Variants in GALNTL6 observed in about 807,000 individuals in gnomAD.
GALNTL6 encodes the protein polypeptide N-acetylgalactosaminyltransferase like 6.
GALNTL6 carries 46 observed loss-of-function variants against 73.7 expected under a neutral mutation model. The ratio of observed to expected loss-of-function variants is 0.62; its 90% confidence interval spans 0.49 to 0.80. GALNTL6 has a LOEUF of 0.80. Ranked by LOEUF, GALNTL6 falls within the 30% of genes least tolerant of loss-of-function variation. GALNTL6 has a pLI of 0.00. For synonymous variants in GALNTL6, 259 were observed against 263.7 expected (o/e 0.98, Z 0.17); for missense variants, 604 against 755.0 (o/e 0.80, Z 2.34).
chr4:171,973,507 G>A (rs1739630463), intron 2 of GALNTL6, among the ~76,000 whole-genome samples: 2 of 152,090 alleles, frequency 1.3e-5, no homozygotes, highest in South Asian at 4.1e-4. Flanking sequence ...CATGGATACT[G>A]TCTCTGTGTC....
chr4:172,167,044 A>G (rs780873153), intron 2 of GALNTL6, among the ~76,000 whole-genome samples: 2 of 152,088 alleles, frequency 1.3e-5, no homozygotes, highest in Non-Finnish European at 2.9e-5. Context: ...ATCTCGTTGT[A>G]CCTCATTTTT....
intron 7 of GALNTL6, among the ~76,000 whole-genome samples, chr4:172,867,484 A>T (rs990867747): frequency 4.6e-5 from 7 of 152,180 alleles, no homozygotes; most frequent in South Asian, 2.1e-4. Flanking sequence ...TGGCAGGAAG[A>T]AAAATGAGAG....
intron 5 of GALNTL6, among the ~76,000 whole-genome samples, chr4:172,494,251 T>G (rs6812783): frequency 0.19 from 29,173 of 152,086 alleles, 3,019 homozygotes; most frequent in African/African-American, 0.25. Context: ...GATTCCTTCA[T>G]GAAGATATTG....
chr4:172,112,312 G>C (rs889596240), intron 2 of GALNTL6, among the ~76,000 whole-genome samples: 2 of 151,946 alleles, frequency 1.3e-5, no homozygotes, highest in Non-Finnish European at 2.9e-5. Context: ...AGACACATTG[G>C]TTGCTTTCAA....
At chr4:172,304,756 G>A (rs1740067364) in intron 3 of GALNTL6, among the ~76,000 whole-genome samples, 1 of 151,844 alleles carries the variant, frequency 6.6e-6, no homozygotes, top group African/African-American at 2.4e-5. Context: ...GACTTATTAT[G>A]TTCCAAACAG....
chr4:172,221,721 C>T (rs1736682246), intron 2 of GALNTL6, among the ~76,000 whole-genome samples: 1 of 151,784 alleles, frequency 6.6e-6, no homozygotes, highest in South Asian at 2.1e-4. Flanking sequence ...GACTTTCCTG[C>T]TGAGCTAACA....
intron 5 of GALNTL6, among the ~76,000 whole-genome samples, chr4:172,623,374 T>TA (rs1045110406): frequency 2.6e-5 from 4 of 151,350 alleles, no homozygotes; most frequent in African/African-American, 9.7e-5. Flanking sequence ...TAATTTTAAA[T>TA]AAAAAATTAG....
chr4:172,269,466 C>A (rs1168760022), intron 3 of GALNTL6, among the ~76,000 whole-genome samples: 1 of 152,090 alleles, frequency 6.6e-6, no homozygotes. Flanking sequence ...GGGTCCCAGA[C>A]CCTACCCCTT....
At chr4:172,244,093 T>C (rs1201180177) in intron 3 of GALNTL6, among the ~76,000 whole-genome samples, 2 of 152,156 alleles carry the variant, frequency 1.3e-5, no homozygotes, top group Non-Finnish European at 1.5e-5. Context: ...TAATGAGATT[T>C]GTTGGGAAGT....
intron 4 of GALNTL6, among the ~76,000 whole-genome samples, chr4:172,332,586 T>C (rs1277687993): frequency 1.3e-5 from 2 of 152,120 alleles, no homozygotes; most frequent in Non-Finnish European, 2.9e-5. Context: ...TTATTTTAAT[T>C]AAGATAATGA....
intron 2 of GALNTL6, among the ~76,000 whole-genome samples, chr4:172,074,446 A>C (rs1731642674): frequency 1.3e-5 from 2 of 152,230 alleles, no homozygotes; most frequent in Non-Finnish European, 2.9e-5. Flanking sequence ...ATCTCGTGTC[A>C]CAATGCCAAG....
At chr4:171,988,536 A>T (rs557853916) in intron 2 of GALNTL6, among the ~76,000 whole-genome samples, 1 of 152,078 alleles carries the variant, frequency 6.6e-6, no homozygotes, top group Admixed American at 6.6e-5. Flanking sequence ...AGAATAGTGG[A>T]TTGTGGAGGG....
chr4:172,720,377 C>T (rs1275236054), intron 5 of GALNTL6, among the ~76,000 whole-genome samples: 1 of 152,158 alleles, frequency 6.6e-6, no homozygotes, highest in Non-Finnish European at 1.5e-5. Flanking sequence ...TCCCACGTTC[C>T]ACACAGGAAG....
intron 2 of GALNTL6, among the ~76,000 whole-genome samples, chr4:171,902,623 G>A (rs1489281376): frequency 6.6e-6 from 1 of 152,214 alleles, no homozygotes; most frequent in Non-Finnish European, 1.5e-5. Flanking sequence ...GAAGTTATCA[G>A]TGAGAGGGTA....
At chr4:172,630,772 A>G (rs1739362379) in intron 5 of GALNTL6, among the ~76,000 whole-genome samples, 1 of 150,190 alleles carries the variant, frequency 6.7e-6, no homozygotes, top group African/African-American at 2.4e-5. Flanking sequence ...TCTTGTTTTT[A>G]TATAATTAGA....
chr4:172,339,576 G>T (rs1435700271), intron 4 of GALNTL6, among the ~76,000 whole-genome samples: 1 of 152,128 alleles, frequency 6.6e-6, no homozygotes, highest in East Asian at 1.9e-4. Flanking sequence ...GACTCTGTAT[G>T]CTCCTGGATT....
Position 172,809,797 on chromosome 4 carries a change from G to A in GALNTL6, c.739+251G>A, listed in dbSNP as rs1408328292. ...CAATCTAACTTACAGTTTAGAAAAG[G>A]TTTCATTTATCTTAGATATCCTCCT... On this transcript the variant is annotated intron_variant, in intron 6 of 12. Transcript: ENST00000506823. The surrounding 1 kb of genome is among the most constrained non-coding windows in gnomAD (Gnocchi z 4.4). Among the ~76,000 whole-genome samples the A allele has an allele frequency of 6.6e-6, 1 of 151,954 alleles. No individual in the cohort carries two copies. The highest frequency in any genetic ancestry group is 6.6e-5 in the Admixed American group (1 of 15,248).
chr4:172,658,639 G>A (rs1030667752), intron 5 of GALNTL6, among the ~76,000 whole-genome samples: 4 of 152,034 alleles, frequency 2.6e-5, no homozygotes, highest in South Asian at 2.1e-4. Context: ...GAAGCACATC[G>A]AATTAGCCAC....
chr4:172,041,227 T>C (rs1579082113), intron 2 of GALNTL6, among the ~76,000 whole-genome samples: 1 of 152,196 alleles, frequency 6.6e-6, no homozygotes, highest in Non-Finnish European at 1.5e-5. Flanking sequence ...GCAAGGAAAG[T>C]GGTTTACTTA....
Sources: gnomAD v4.1 joint callset for allele counts (sites outside exome capture counted in the v4.1 genomes callset) on GRCh38, gnomAD v4.1.1 for gene constraint, Gnocchi (gnomAD v3.1) non-coding constraint, MANE v1.5 for transcripts, NCBI Gene and HGNC (gene_info 2026-07-23, HGNC 2026-07-21) for gene names.